The following GPD2 variants were observed in gnomAD, a reference collection of about 807,000 sequenced individuals.
The protein encoded by GPD2 is glycerol-3-phosphate dehydrogenase 2.
A neutral mutation model predicts 82.4 loss-of-function variants in GPD2; 54 were observed. The ratio of observed to expected loss-of-function variants is 0.66; its 90% CI spans 0.53 to 0.82. The LOEUF (loss-of-function observed/expected upper bound fraction) is 0.82. GPD2 is among the 40% of genes least tolerant of loss of function. The pLI is 0.00. For synonymous variants in GPD2, 288 were observed against 306.1 expected (o/e 0.94, Z 0.62); for missense variants, 748 against 896.2 (o/e 0.83, Z 2.11).
At chr2:156,421,747 TTC>T in the GPD2 span, among the ~76,000 whole-genome samples, 1 of 152,346 alleles carries the variant, frequency 6.6e-6, no homozygotes, top group African/African-American at 2.4e-5. Context: ...CCCCTCACTT[TTC>T]TTTCTGCTTC....
chr2:156,582,125 A>G (rs1219361628), intron 16 of GPD2, among the ~76,000 whole-genome samples: 3 of 152,088 alleles, frequency 2.0e-5, no homozygotes, highest in African/African-American at 7.2e-5. Context: ...AAGGAAAAAA[A>G]TCCCTATGCT....
the GPD2 span, among the ~76,000 whole-genome samples, chr2:156,420,175 A>G: frequency 6.6e-6 from 1 of 151,954 alleles, no homozygotes; most frequent in Non-Finnish European, 1.5e-5. Context: ...TATCAGATTT[A>G]TTTCTTTCCT....
chr2:156,528,611 CCA>C (rs1685704965), intron 6 of GPD2, among the ~76,000 whole-genome samples: 1 of 133,640 alleles, frequency 7.5e-6, no homozygotes, highest in Non-Finnish European at 1.6e-5. Context: ...ACAACAGGCC[CCA>C]GAGTGTGATG....
intron 3 of GPD2, among the ~76,000 whole-genome samples, chr2:156,496,703 T>G (rs1478045172): frequency 6.6e-6 from 1 of 152,068 alleles, no homozygotes; most frequent in Non-Finnish European, 1.5e-5. Context: ...ATGAGTTTAT[T>G]AATTTGTTCT....
intron 6 of GPD2, among the ~76,000 whole-genome samples, chr2:156,545,854 C>T (rs1041686154): frequency 1.3e-5 from 2 of 152,106 alleles, no homozygotes; most frequent in Non-Finnish European, 2.9e-5. Flanking sequence ...GTATTGCTGT[C>T]TCCAAAATAT....
chr2:156,531,481 A>G (rs890061907), intron 6 of GPD2, among the ~76,000 whole-genome samples: 4 of 152,132 alleles, frequency 2.6e-5, no homozygotes, highest in Non-Finnish European at 5.9e-5. Flanking sequence ...GTTTCTTTTC[A>G]TTTACTTTAA....
chr2:156,540,758 TCCTTCATGA>T (rs1290743709), intron 6 of GPD2, among the ~76,000 whole-genome samples: 2 of 152,186 alleles, frequency 1.3e-5, no homozygotes, highest in Non-Finnish European at 2.9e-5. Context: ...CATCTTCCTA[TCCTTCATGA>T]CATACAGAAA....
At chr2:156,507,888 C>G (rs1684843957) in intron 3 of GPD2, among the ~76,000 whole-genome samples, 1 of 152,128 alleles carries the variant, frequency 6.6e-6, no homozygotes, top group Non-Finnish European at 1.5e-5. Flanking sequence ...TTTGCCTTCT[C>G]TTTCTTAAGC....
intron 1 of GPD2, among the ~76,000 whole-genome samples, chr2:156,465,037 G>A (rs1000442137): frequency 6.6e-6 from 1 of 152,106 alleles, no homozygotes; most frequent in African/African-American, 2.4e-5. Context: ...TTTTAGTAGA[G>A]ATGGGGCTTC....
chr2:156,476,158 T>C lies in GPD2; in HGVS notation c.53T>C (p.Leu18Pro). 6.2e-7 allele frequency: 1 copy of C among 1,611,100 alleles called. No homozygotes were observed. The highest frequency in any genetic ancestry group is 8.5e-7 in the Non-Finnish European group (1 of 1,177,280). ...ACGATTCTTGTTGGAGGAGGTGCTC[T>C]TGCAACTGTTTTAGGACTTTCTCAG... Reference protein sequence around the residue: ...KGTILVGGGALATVLGLSQFA... With the variant: ...KGTILVGGGAPATVLGLSQFA... Residue 18 changes from leucine (L) to proline (P), a missense_variant, in exon 2 of 17, where the codon CTT becomes CCT. Leu to Pro is a moderately conservative substitution (Grantham distance 98). Around this residue, in one of 3 missense-constraint regions of GPD2, gnomAD observed 692 missense variants for 809.7 expected, o/e 0.85. Coordinates refer to ENST00000438166, the MANE Select transcript of GPD2 (RefSeq NM_000408.5).
the GPD2 span, among the ~76,000 whole-genome samples, chr2:156,430,113 A>G: frequency 2.0e-5 from 3 of 152,230 alleles, no homozygotes; most frequent in Non-Finnish European, 1.5e-5. Context: ...TAATGAAAAA[A>G]ATATGTGAAC....
At chr2:156,400,698 T>G in the GPD2 span, among the ~76,000 whole-genome samples, 6 of 152,246 alleles carry the variant, frequency 3.9e-5, 1 homozygote, top group Middle Eastern at 0.014. Flanking sequence ...AAAATAAAGA[T>G]CTTAATACAG....
intron 3 of GPD2, among the ~76,000 whole-genome samples, chr2:156,501,547 C>T (rs1684585251): frequency 6.6e-6 from 1 of 152,008 alleles, no homozygotes; most frequent in Non-Finnish European, 1.5e-5. Flanking sequence ...GAGATGTGTG[C>T]ATTGTAGGAT....
intron 6 of GPD2, among the ~76,000 whole-genome samples, chr2:156,548,455 C>T (rs1245829562): frequency 6.6e-6 from 1 of 151,988 alleles, no homozygotes; most frequent in Non-Finnish European, 1.5e-5. Context: ...TTTGGGGGGA[C>T]GGTTCTTAGC....
intron 13 of GPD2, among the ~76,000 whole-genome samples, chr2:156,572,491 T>G (rs1213836820): frequency 6.6e-6 from 1 of 152,204 alleles, no homozygotes; most frequent in Non-Finnish European, 1.5e-5. Flanking sequence ...TGTCCCTTCT[T>G]TAACAACTTC....
At chr2:156,557,335 T>C in intron 8 of GPD2, 54 bp from the exon 9 acceptor site, 1 of 1,077,834 alleles carries the variant, frequency 9.3e-7, no homozygotes. Context: ...GAATGCAGAT[T>C]AATGTTAAAC....
chr2:156,417,564 T>C, the GPD2 span, among the ~76,000 whole-genome samples: 1 of 152,126 alleles, frequency 6.6e-6, no homozygotes. Context: ...CCAAACACTG[T>C]TAGTTCGTGA....
intron 6 of GPD2, among the ~76,000 whole-genome samples, chr2:156,529,349 G>C (rs1321511640): frequency 4.9e-5 from 7 of 141,912 alleles, no homozygotes; most frequent in Admixed American, 2.1e-4. Context: ...CCCTTTGTCA[G>C]ATGAGTAGGT....
intron 3 of GPD2, chr2:156,501,826 G>A (rs371771855): frequency 5.9e-6 from 1 of 169,256 alleles, no homozygotes; most frequent in East Asian, 1.9e-4. Flanking sequence ...ACTTTAAGAA[G>A]AGAACTACGC....
Sources: gnomAD v4.1 joint callset for allele counts (sites outside exome capture counted in the v4.1 genomes callset) on GRCh38, gnomAD v4.1.1 for gene constraint, gnomAD v4.1.1 regional missense constraint, MANE v1.5 for transcripts, NCBI Gene and HGNC (gene_info 2026-07-23, HGNC 2026-07-21) for gene names.